The following RBFOX2 variants were observed in gnomAD, a reference collection of about 807,000 sequenced individuals.
The protein encoded by RBFOX2 is RNA binding fox-1 homolog 2, also known as RNA binding protein fox-1 homolog 2.
A neutral mutation model predicts 49.1 loss-of-function variants in RBFOX2; 10 were observed. That is an observed-to-expected ratio of 0.20 (90% confidence interval 0.13 to 0.35). RBFOX2 has a LOEUF of 0.35. Ranked by LOEUF, RBFOX2 falls within the 10% of genes least tolerant of loss-of-function variation. RBFOX2 has a pLI of 1.00. For missense variants in RBFOX2, 323 were observed against 486.9 expected, an observed-to-expected ratio of 0.66 and a Z score of 3.17; for synonymous variants, 183 against 187.4, an observed-to-expected ratio of 0.98 and a Z score of 0.19.
intron 1 of RBFOX2, among the ~76,000 whole-genome samples, chr22:35,959,463 T>G (rs778417133): frequency 2.6e-5 from 4 of 152,234 alleles, no homozygotes; most frequent in Admixed American, 6.5e-5. Flanking sequence ...AATGGAGAGA[T>G]AATTCATCTT....
At chr22:35,818,210 A>G (rs1953607619) in intron 1 of RBFOX2, among the ~76,000 whole-genome samples, 1 of 152,242 alleles carries the variant, frequency 6.6e-6, no homozygotes, top group South Asian at 2.1e-4. Flanking sequence ...ACAAGTATTT[A>G]GAACCTCAAA....
chr22:35,876,336 C>T (rs1003200085), intron 1 of RBFOX2, among the ~76,000 whole-genome samples: 1 of 152,100 alleles, frequency 6.6e-6, no homozygotes, highest in African/African-American at 2.4e-5. Context: ...AGGTATTCTC[C>T]TGCCTCAGCC....
intron 1 of RBFOX2, among the ~76,000 whole-genome samples, chr22:35,985,034 C>T (rs1239935095): frequency 1.3e-5 from 2 of 152,012 alleles, no homozygotes; most frequent in Admixed American, 6.6e-5. Flanking sequence ...CCAGATGATG[C>T]GAAGAAAAGA....
rs532083798 is a variant in RBFOX2, at chr22:35,889,028, C to T, written c.-34+49819G>A. Among the ~76,000 whole-genome samples, 12 of 152,124 alleles carry T rather than the reference C, an allele frequency of 7.9e-5. No homozygotes were observed. The South Asian group carries it at 2.3e-3, about 29-fold the overall frequency. On this transcript the variant is annotated intron_variant, in intron 1 of 13. Coordinates refer to the RBFOX2 transcript ENST00000359369. ...AAATTAGCTCGGCGTGGTGTGGGTG[C>T]CTGTAATCCCAGCTACCTGGGAGGC...
At chr22:35,830,304 C>T (rs770921572) in intron 1 of RBFOX2, among the ~76,000 whole-genome samples, 2 of 152,262 alleles carry the variant, frequency 1.3e-5, no homozygotes, top group Admixed American at 6.5e-5. Flanking sequence ...ACGAACAATG[C>T]ATACAGAATG....
At chr22:36,000,839 C>T (rs370941109) in intron 1 of RBFOX2, among the ~76,000 whole-genome samples, 1 of 152,120 alleles carries the variant, frequency 6.6e-6, no homozygotes, top group East Asian at 1.9e-4. Context: ...GTCTCCAACT[C>T]CCTATCTCCA....
chr22:35,778,379 G>C (rs1384508060), intron 3 of RBFOX2, among the ~76,000 whole-genome samples: 1 of 152,032 alleles, frequency 6.6e-6, no homozygotes. Flanking sequence ...TTAGTTTTTA[G>C]AACAGTCTCA....
intron 2 of RBFOX2, among the ~76,000 whole-genome samples, chr22:35,786,092 A>T (rs1037433171): frequency 6.6e-6 from 1 of 152,192 alleles, no homozygotes; most frequent in Non-Finnish European, 1.5e-5. Flanking sequence ...TCCAAATTAC[A>T]CTTTTACATA....
intron 1 of RBFOX2, among the ~76,000 whole-genome samples, chr22:36,016,596 A>G (rs1209963984): frequency 2.6e-5 from 4 of 152,232 alleles, no homozygotes; most frequent in Admixed American, 6.5e-5. Context: ...CAGCCTATAC[A>G]TGGGAAAAAT....
intron 1 of RBFOX2, among the ~76,000 whole-genome samples, chr22:35,951,830 G>A (rs1044274102): frequency 1.3e-5 from 2 of 152,094 alleles, no homozygotes; most frequent in Admixed American, 1.3e-4. Context: ...GTCCCTGCTG[G>A]CTTTCTACTA....
chr22:35,984,035 A>C (rs1487574472), intron 1 of RBFOX2, among the ~76,000 whole-genome samples: 1 of 152,070 alleles, frequency 6.6e-6, no homozygotes, highest in Non-Finnish European at 1.5e-5. Context: ...AATTCTCTTC[A>C]ATTACCTAAT....
intron 1 of RBFOX2, among the ~76,000 whole-genome samples, chr22:35,890,410 T>C (rs1020796112): frequency 1.3e-5 from 2 of 152,182 alleles, no homozygotes; most frequent in African/African-American, 4.8e-5. Flanking sequence ...AGTAAGAGAT[T>C]AATGATAACT....
chr22:35,873,649 T>G (rs1471849402), intron 1 of RBFOX2, among the ~76,000 whole-genome samples: 1 of 152,170 alleles, frequency 6.6e-6, no homozygotes, highest in African/African-American at 2.4e-5. Context: ...GTTGTTGATA[T>G]TCACAAAAGG....
intron 1 of RBFOX2, among the ~76,000 whole-genome samples, chr22:35,900,053 G>C (rs1293558719): frequency 6.6e-6 from 1 of 152,188 alleles, no homozygotes; most frequent in East Asian, 1.9e-4. Flanking sequence ...CTGGTGGGCA[G>C]AAAGGGTCTG....
chr22:35,753,069 C>G (rs374676270), intron 9 of RBFOX2, among the ~76,000 whole-genome samples: 1 of 152,302 alleles, frequency 6.6e-6, no homozygotes, highest in East Asian at 1.9e-4. Flanking sequence ...CAATTAATAG[C>G]CTAAATTCAT....
intron 1 of RBFOX2, among the ~76,000 whole-genome samples, chr22:36,017,652 G>T (rs1035697678): frequency 2.6e-5 from 4 of 152,170 alleles, no homozygotes; most frequent in Non-Finnish European, 5.9e-5. Context: ...TAATACATGC[G>T]AACTGCTACA....
chr22:35,881,358 T>C (rs1001761435), intron 1 of RBFOX2, among the ~76,000 whole-genome samples: 1 of 151,518 alleles, frequency 6.6e-6, no homozygotes, highest in Non-Finnish European at 1.5e-5. Flanking sequence ...GGAAGATCAC[T>C]TGAGATCATG....
intron 1 of RBFOX2, among the ~76,000 whole-genome samples, chr22:36,012,086 A>G (rs958670552): frequency 2.0e-5 from 3 of 152,194 alleles, no homozygotes; most frequent in Non-Finnish European, 4.4e-5. Context: ...GAGATGAAAA[A>G]AAGCCAAAAA....
At chr22:35,841,671 A>G (rs2040514556), upstream of RBFOX2, among the ~76,000 whole-genome samples, 2 of 152,230 alleles carry the variant, frequency 1.3e-5, no homozygotes, top group Non-Finnish European at 2.9e-5. Context: ...ACTTTCTAAA[A>G]GACTACCCAA....
Sources: allele counts gnomAD v4.1 joint callset (sites outside exome capture counted in the v4.1 genomes callset), GRCh38; gene constraint gnomAD v4.1.1; transcripts MANE v1.5; gene names NCBI Gene and HGNC (gene_info 2026-07-23, HGNC 2026-07-21).